The following GPR176 variants were observed in gnomAD, a reference collection of about 807,000 sequenced individuals.
The protein encoded by GPR176 is G protein-coupled receptor 176, also known as G-protein coupled receptor 176.
GPR176 carries 26 observed loss-of-function variants against 35.4 expected under a neutral mutation model. That is an observed-to-expected ratio of 0.74 (90% CI 0.54 to 1.02). The LOEUF (loss-of-function observed/expected upper bound fraction) is 1.02, where lower values mean the gene tolerates loss of function less well. Among genes scored for constraint, GPR176 ranks in the 50% least tolerant of loss-of-function variants. The pLI is 0.00. For synonymous variants in GPR176, 278 were observed against 271.3 expected (o/e 1.02, Z -0.24); for missense variants, 597 against 665.3 (o/e 0.90, Z 1.13).
Position 39,884,767 on chromosome 15 carries a change from C to T in GPR176, c.172+35088G>A, listed in dbSNP as rs769741065. On this transcript the variant is annotated intron_variant, in intron 1 of 2. Coordinates refer to ENST00000561100, the MANE Select transcript of GPR176 (RefSeq NM_007223.3). ...TTTTCATTTTTACCAGGAAAAATAGCATTTCAGAGCTCCACCCAGTAAACT... is the reference window on the plus strand; with the variant it reads ...TTTTCATTTTTACCAGGAAAAATAGTATTTCAGAGCTCCACCCAGTAAACT... 6.4e-4 allele frequency among the ~76,000 whole-genome samples: 98 copies of T among 152,180 alleles called. 1 individual carries two copies. The highest frequency in any genetic ancestry group is 2.2e-3 in the African/African-American group (92 of 41,444).
At chr15:39,868,208 C>A (rs986019639) in intron 1 of GPR176, among the ~76,000 whole-genome samples, 1 of 152,172 alleles carries the variant, frequency 6.6e-6, no homozygotes, top group Non-Finnish European at 1.5e-5. Context: ...TCTGGGATCA[C>A]GAACAGCCAC....
At chr15:39,918,453 G>GTA (rs1303533748) in intron 1 of GPR176, among the ~76,000 whole-genome samples, 1 of 152,078 alleles carries the variant, frequency 6.6e-6, no homozygotes, top group Non-Finnish European at 1.5e-5. Flanking sequence ...ATGAATGTAT[G>GTA]TATATATATG....
chr15:39,876,747 G>T (rs574337399), intron 1 of GPR176, among the ~76,000 whole-genome samples: 133 of 152,016 alleles, frequency 8.7e-4, no homozygotes, highest in African/African-American at 3.1e-3. Flanking sequence ...GAGGATGGTT[G>T]GAGCCCAGGA....
In GPR176 at chr15:39,800,662, T is replaced by C. The variant is rs1833735822; in HGVS notation, c.*470A>G. 6.3e-6 allele frequency: 1 copy of C among 159,280 alleles called. No homozygotes were observed. Among genetic ancestry groups the C allele is most frequent in the Non-Finnish European group, 1.4e-5 (1 of 71,848 alleles). 9.9% of individuals were successfully genotyped at this position (159,280 alleles called of 1,614,324 possible). A position where few individuals can be genotyped will look rare whatever the true frequency, so the allele number is the denominator to read the frequency against. ...AAATCCCTACCTTCTCAACAGAAAA[T>C]GTTTGACATGTTTAAGTTCATCAAA... On this transcript the variant is annotated 3_prime_UTR_variant, in exon 3 of 3. Transcript: ENST00000561100.
intron 1 of GPR176, among the ~76,000 whole-genome samples, chr15:39,900,399 T>C (rs1221430149): frequency 2.0e-5 from 3 of 152,190 alleles, no homozygotes; most frequent in Non-Finnish European, 4.4e-5. Context: ...ATGTTAAGAT[T>C]ACAAGTTGGC....
At chr15:39,872,425 G>A (rs1290618007) in intron 1 of GPR176, among the ~76,000 whole-genome samples, 8 of 152,090 alleles carry the variant, frequency 5.3e-5, no homozygotes, top group Non-Finnish European at 1.2e-4. Flanking sequence ...GACACAATAG[G>A]ACATCCCTTG....
chr15:39,850,645 G>A (rs2030798358), intron 1 of GPR176, among the ~76,000 whole-genome samples: 1 of 152,104 alleles, frequency 6.6e-6, no homozygotes, highest in African/African-American at 2.4e-5. Flanking sequence ...GGAAACATCT[G>A]TGTCTTGACC....
chr15:39,889,730 C>T (rs1025563392), intron 1 of GPR176, among the ~76,000 whole-genome samples: 1 of 152,188 alleles, frequency 6.6e-6, no homozygotes, highest in Admixed American at 6.5e-5. Flanking sequence ...GGGACGCAAA[C>T]TCCTTGGAGG....
intron 1 of GPR176, among the ~76,000 whole-genome samples, chr15:39,871,896 C>T (rs1028125372): frequency 1.6e-4 from 25 of 152,284 alleles, no homozygotes; most frequent in African/African-American, 5.8e-4. Flanking sequence ...ATGTACTGAT[C>T]CCTACTGAGT....
intron 1 of GPR176, among the ~76,000 whole-genome samples, chr15:39,887,959 C>T (rs1022704587): frequency 1.3e-5 from 2 of 151,470 alleles, no homozygotes; most frequent in Admixed American, 1.3e-4. Flanking sequence ...TGATCACCAG[C>T]CTGGAGAGGG....
chr15:39,866,223 T>C (rs1249741998), intron 1 of GPR176, among the ~76,000 whole-genome samples: 1 of 152,130 alleles, frequency 6.6e-6, no homozygotes, highest in Non-Finnish European at 1.5e-5. Context: ...GTATGGAAAG[T>C]GGATATCTAT....
intron 1 of GPR176, chr15:39,807,618 GC>G: frequency 1.9e-6 from 2 of 1,027,566 alleles, no homozygotes; most frequent in African/African-American, 1.6e-5. Flanking sequence ...CCTCCATGTT[GC>G]CAAACTCTGC....
rs1477636175 is a variant in GPR176, at chr15:39,801,721, A to T, written c.959T>A (p.Phe320Tyr). 6 of 1,613,544 alleles carry T rather than the reference A, an allele frequency of 3.7e-6. No individual in the cohort carries two copies. Among genetic ancestry groups the T allele is most frequent in the Non-Finnish European group, 5.1e-6 (6 of 1,179,518 alleles). The change falls in exon 3 of 3, where the codon TTT becomes TAT. Residue 320 changes from phenylalanine (F) to tyrosine (Y), a missense_variant. By Grantham distance (22) the Phe-to-Tyr change is conservative. Around this residue, in one of 3 missense-constraint regions of GPR176, gnomAD observed 251 missense variants for 255.4 expected, o/e 0.98. Transcript: ENST00000561100. The part of the protein sequence containing the change: ...KVSLLANPVL[F>Y]LTVNKSVRKC... Reference sequence around the variant, plus strand: ...GCGGACAGATTTGTTCACAGTAAGAAAGAGAACAGGGTTTGCCAGCAGGGA... The same window carrying T: ...GCGGACAGATTTGTTCACAGTAAGATAGAGAACAGGGTTTGCCAGCAGGGA...
intron 1 of GPR176, among the ~76,000 whole-genome samples, chr15:39,817,355 A>T (rs1048029683): frequency 9.9e-5 from 15 of 152,212 alleles, no homozygotes; most frequent in African/African-American, 3.6e-4. Flanking sequence ...ATTTGTAAAT[A>T]AATACATAAA....
In GPR176 at chr15:39,919,887, A is replaced by C; in HGVS notation, c.140T>G (p.Val47Gly). ...CGAGCCTATGAAGATGACGACCTGC[A>C]CGGTGGTGGTGAACTGGCGGTACAG... The part of the protein sequence containing the change: ...AQLYRQFTTT[V>G]QVVIFIGSLL... Residue 47 changes from valine (V) to glycine (G), a missense_variant, in exon 1 of 3, where the codon GTG becomes GGG. By Grantham distance (109) the Val-to-Gly change is moderately radical (BLOSUM62 -3). This residue lies in a region of GPR176 where 126 missense variants were observed against 112.4 expected (regional missense o/e 1.12). Transcript: ENST00000561100. 1 of 1,507,780 alleles carries C rather than the reference A, an allele frequency of 6.6e-7. No individual in the cohort carries two copies. Among genetic ancestry groups the C allele is most frequent in the East Asian group, 2.7e-5 (1 of 37,672 alleles). 93.4% of individuals were successfully genotyped at this position (1,507,780 alleles called of 1,614,324 possible).
At chr15:39,916,416 A>G (rs2033728023) in intron 1 of GPR176, among the ~76,000 whole-genome samples, 1 of 152,240 alleles carries the variant, frequency 6.6e-6, no homozygotes, top group Admixed American at 6.5e-5. Flanking sequence ...AATATTATGT[A>G]CAAGCCTTGT....
Position 39,895,234 on chromosome 15 carries a change from G to C in GPR176, c.172+24621C>G, listed in dbSNP as rs1369856179. On this transcript the variant is annotated intron_variant, in intron 1 of 2. Coordinates refer to ENST00000561100, the MANE Select transcript of GPR176 (RefSeq NM_007223.3). ...GGAAAGAGAGGGAGAGGGAGACCGTGGGGAGAGGGAGAGGGAGACCATGGG... is the reference window on the plus strand; with the variant it reads ...GGAAAGAGAGGGAGAGGGAGACCGTCGGGAGAGGGAGAGGGAGACCATGGG... Among the ~76,000 whole-genome samples the C allele has an allele frequency of 2.2e-4, 31 of 143,318 alleles. No homozygotes were observed. The Admixed American group carries it at 2.2e-3, about 10-fold the overall frequency. The allele number at this position is 143,318 out of a possible 152,430, so 94.0% of individuals were successfully genotyped here. A position where few individuals can be genotyped will look rare whatever the true frequency, so the allele number is the denominator to read the frequency against.
intron 1 of GPR176, among the ~76,000 whole-genome samples, chr15:39,889,365 T>C (rs2032782230): frequency 6.6e-6 from 1 of 151,948 alleles, no homozygotes; most frequent in Non-Finnish European, 1.5e-5. Flanking sequence ...CTGACTAACA[T>C]GGAGAAACTT....
rs570659883 is a variant in GPR176 at position 39,862,881 on chromosome 15, G to A, written c.173-55623C>T. 2.6e-5 allele frequency among the ~76,000 whole-genome samples: 4 copies of A among 152,046 alleles called. No individual in the cohort carries two copies. The East Asian group carries it at 7.7e-4, about 29-fold the overall frequency. On this transcript the variant is annotated intron_variant, in intron 1 of 2. Coordinates refer to ENST00000561100, the MANE Select transcript of GPR176 (RefSeq NM_007223.3). ...ATATATACTAAAATAACCACAGGCAGGTTCTATAGGAAGTATTCCAGAAGA... is the reference window on the plus strand; with the variant it reads ...ATATATACTAAAATAACCACAGGCAAGTTCTATAGGAAGTATTCCAGAAGA...
Sources: gnomAD v4.1 joint callset for allele counts (sites outside exome capture counted in the v4.1 genomes callset) on GRCh38, gnomAD v4.1.1 for gene constraint, gnomAD v4.1.1 regional missense constraint, MANE v1.5 for transcripts, NCBI Gene and HGNC (gene_info 2026-07-23, HGNC 2026-07-21) for gene names.